Variants in SPECC1 observed in about 807,000 individuals in gnomAD.
SPECC1 encodes cytospin-B.
Under a neutral mutation model 104.1 loss-of-function variants are expected in SPECC1, and 62 were observed. The ratio of observed to expected loss-of-function variants is 0.60; its 90% CI spans 0.49 to 0.74. SPECC1 has a LOEUF of 0.74. Among genes scored for constraint, SPECC1 ranks in the 30% least tolerant of loss-of-function variants. The pLI, the probability that SPECC1 is intolerant of heterozygous loss-of-function variation, is 0.00. For missense variants in SPECC1, 1,306 were observed against 1,310.5 expected (o/e 1.00, Z 0.05); for synonymous variants, 513 against 501.6 (o/e 1.02, Z -0.30).
chr17:20,082,529 G>T (rs1459553281), intron 1 of SPECC1, among the ~76,000 whole-genome samples: 2 of 152,074 alleles, frequency 1.3e-5, no homozygotes, highest in South Asian at 2.1e-4. Context: ...TGTTGAGTTT[G>T]AGGCTTCAGT....
chr17:20,158,216 G>A (rs1374218095), intron 3 of SPECC1, among the ~76,000 whole-genome samples: 1 of 152,164 alleles, frequency 6.6e-6, no homozygotes, highest in East Asian at 1.9e-4. Context: ...ATCAGAGCAA[G>A]GGGACCAAAA....
At chr17:20,308,193 G>T in intron 14 of SPECC1, among the ~76,000 whole-genome samples, 1 of 152,008 alleles carries the variant, frequency 6.6e-6, no homozygotes, top group East Asian at 1.9e-4. Flanking sequence ...TTTGAGACCA[G>T]CCTGGCCAAC....
At chr17:20,263,253 T>C (rs920239718) in intron 12 of SPECC1, among the ~76,000 whole-genome samples, 49 of 147,320 alleles carry the variant, frequency 3.3e-4, no homozygotes, top group Admixed American at 1.5e-3. Flanking sequence ...CCTGTGTCCT[T>C]GGCAGCGTGA....
intron 3 of SPECC1, among the ~76,000 whole-genome samples, chr17:20,127,725 G>A (rs2049392438): frequency 1.3e-5 from 2 of 152,124 alleles, no homozygotes; most frequent in African/African-American, 4.8e-5. Flanking sequence ...TCTTTTCTAT[G>A]TATTTTGTTT....
chr17:20,150,654 G>T (rs1391475901), intron 3 of SPECC1, among the ~76,000 whole-genome samples: 1 of 151,236 alleles, frequency 6.6e-6, no homozygotes, highest in Non-Finnish European at 1.5e-5. Context: ...AAAAAAAAGT[G>T]CTGGGATTAC....
At chr17:20,261,241 G>A (rs146869212) in intron 12 of SPECC1, among the ~76,000 whole-genome samples, 4,964 of 152,056 alleles carry the variant, frequency 0.033, 123 homozygotes, top group Middle Eastern at 0.065. Context: ...AGTGGCTCAC[G>A]CCTGTAATCC....
chr17:20,097,153 C>T (rs955897636), intron 2 of SPECC1, among the ~76,000 whole-genome samples: 1 of 152,138 alleles, frequency 6.6e-6, no homozygotes, highest in African/African-American at 2.4e-5. Flanking sequence ...GTTCTTCAAG[C>T]CCCTCTTACT....
At chr17:20,156,009 G>A in intron 3 of SPECC1, 1 of 1,286,916 alleles carries the variant, frequency 7.8e-7, no homozygotes, top group South Asian at 2.3e-5. Context: ...AGGGGGCGGG[G>A]CCCACGGGCG....
chr17:20,254,995 C>T (rs1488624101), intron 10 of SPECC1, among the ~76,000 whole-genome samples: 1 of 152,102 alleles, frequency 6.6e-6, no homozygotes, highest in Non-Finnish European at 1.5e-5. Flanking sequence ...AGATTCAAGC[C>T]CTACAGAAAT....
chr17:20,198,873 A>G (rs755789611), intron 3 of SPECC1, among the ~76,000 whole-genome samples: 1 of 152,120 alleles, frequency 6.6e-6, no homozygotes, highest in African/African-American at 2.4e-5. Flanking sequence ...ACATCCTCAA[A>G]TAACTTCCTT....
chr17:20,028,996 A>C (rs2044707323), intron 1 of SPECC1, among the ~76,000 whole-genome samples: 3 of 152,176 alleles, frequency 2.0e-5, no homozygotes. Context: ...TCCCGACCTC[A>C]GGTAATCTGC....
intron 1 of SPECC1, among the ~76,000 whole-genome samples, chr17:20,058,807 C>G (rs1463705436): frequency 6.6e-6 from 1 of 150,668 alleles, no homozygotes; most frequent in Non-Finnish European, 1.5e-5. Flanking sequence ...ATGATTCAGC[C>G]ACATTACATT....
Position 20,296,958 on chromosome 17 carries a change from C to T in SPECC1, c.2941-3C>T, listed in dbSNP as rs2041374180. 6.2e-7 allele frequency: 1 copy of T among 1,613,920 alleles called. No individual in the cohort carries two copies. The highest frequency in any genetic ancestry group is 8.5e-7 in the Non-Finnish European group (1 of 1,179,816). On this transcript the variant is annotated splice_polypyrimidine_tract_variant and splice_region_variant and intron_variant, in intron 12 of 14. Coordinates refer to ENST00000395527, the MANE Select transcript of SPECC1 (RefSeq NM_001243439.2). ...TGTTTATTACTACTTTTCTCTCCTG[C>T]AGAACATTGACATCACCAATTTCAG...
At chr17:20,084,806 G>A (rs1019798877) in intron 1 of SPECC1, among the ~76,000 whole-genome samples, 1 of 152,168 alleles carries the variant, frequency 6.6e-6, no homozygotes, top group Non-Finnish European at 1.5e-5. Flanking sequence ...ACCAGACACT[G>A]GGCCCACAGG....
At chr17:20,176,339 G>T (rs1172276049) in intron 3 of SPECC1, among the ~76,000 whole-genome samples, 2 of 152,026 alleles carry the variant, frequency 1.3e-5, no homozygotes, top group African/African-American at 4.8e-5. Context: ...CTACTTTTCA[G>T]TCATTTTACT....
chr17:20,116,833 T>TG (rs2048784281), intron 3 of SPECC1, among the ~76,000 whole-genome samples: 2 of 130,152 alleles, frequency 1.5e-5, no homozygotes, highest in African/African-American at 6.3e-5. Flanking sequence ...TTTTTTTTTT[T>TG]GGCTGTCATG....
intron 12 of SPECC1, among the ~76,000 whole-genome samples, chr17:20,287,889 A>T (rs1057514467): frequency 5.9e-5 from 9 of 151,962 alleles, no homozygotes; most frequent in African/African-American, 1.9e-4. Flanking sequence ...TGCTGCATAG[A>T]TCAACCCATC....
At chr17:20,089,215 A>C (rs2047303232) in intron 1 of SPECC1, among the ~76,000 whole-genome samples, 1 of 152,178 alleles carries the variant, frequency 6.6e-6, no homozygotes, top group Non-Finnish European at 1.5e-5. Flanking sequence ...CTGAACTATA[A>C]AATGGGGATG....
intron 1 of SPECC1, among the ~76,000 whole-genome samples, chr17:20,084,800 G>A (rs1211792912): frequency 6.6e-6 from 1 of 152,070 alleles, no homozygotes; most frequent in Non-Finnish European, 1.5e-5. Flanking sequence ...ATGTGGACCA[G>A]ACACTGGGCC....
Sources: allele counts gnomAD v4.1 joint callset (sites outside exome capture counted in the v4.1 genomes callset), GRCh38; gene constraint gnomAD v4.1.1; transcripts MANE v1.5; gene names NCBI Gene and HGNC (gene_info 2026-07-23, HGNC 2026-07-21).